PKIB: variants seen among roughly 807,000 people sequenced by gnomAD.
PKIB encodes PKI-beta.
A neutral mutation model predicts 4.5 loss-of-function variants in PKIB; 2 were observed. That is an observed-to-expected ratio of 0.44 (90% CI 0.18 to 1.39). The LOEUF (loss-of-function observed/expected upper bound fraction) is 1.39, where lower values mean the gene tolerates loss of function less well. Among genes scored for constraint, PKIB ranks in the 40% most tolerant of loss-of-function variants. The pLI is 0.27. For missense variants in PKIB, 94 were observed against 92.6 expected (o/e 1.02, Z -0.06); for synonymous variants, 38 against 36.0 (o/e 1.06, Z -0.20).
chr6:122,597,561 G>A (rs1582724463), intron 3 of PKIB, among the ~76,000 whole-genome samples: 2 of 152,154 alleles, frequency 1.3e-5, no homozygotes, highest in Admixed American at 1.3e-4. Flanking sequence ...TTCTGCACAG[G>A]CCAAATGGAA....
intron 3 of PKIB, among the ~76,000 whole-genome samples, chr6:122,711,488 T>C (rs1779272128): frequency 6.6e-6 from 1 of 152,186 alleles, no homozygotes; most frequent in Admixed American, 6.6e-5. Flanking sequence ...ATTAGTCCTT[T>C]TGGGAATCTG....
At chr6:122,641,446 T>C (rs1776117631) in intron 2 of PKIB, among the ~76,000 whole-genome samples, 1 of 152,178 alleles carries the variant, frequency 6.6e-6, no homozygotes, top group African/African-American at 2.4e-5. Flanking sequence ...CTGGGAACTT[T>C]TGAAAATGGC....
At chr6:122,531,801 T>C (rs1005969043) in intron 2 of PKIB, among the ~76,000 whole-genome samples, 1 of 152,246 alleles carries the variant, frequency 6.6e-6, no homozygotes, top group African/African-American at 2.4e-5. Context: ...TGCTTAAGGC[T>C]GGGAATTTAT....
chr6:122,725,339 A>T lies in PKIB; in HGVS notation c.*144A>T. 1.5e-6 allele frequency: 1 copy of T among 649,450 alleles called. No individual in the cohort carries two copies. Among genetic ancestry groups the T allele is most frequent in the Non-Finnish European group, 2.7e-6 (1 of 375,862 alleles). The allele number at this position is 649,450 out of a possible 1,614,324, so 40.2% of individuals were successfully genotyped here. ...GTGTATATTAGATAATTGTGTTGTG[A>T]TGCTACTCACTTTGATTGCAATGAT... On this transcript the variant is annotated 3_prime_UTR_variant, in exon 5 of 5. Transcript: ENST00000368452.
chr6:122,645,814 G>T (rs944556473), intron 2 of PKIB, among the ~76,000 whole-genome samples: 3 of 152,180 alleles, frequency 2.0e-5, no homozygotes, highest in African/African-American at 7.2e-5. Flanking sequence ...AGCCAGGAAG[G>T]TCTTTAAAGA....
chr6:122,701,527 G>A (rs757197507), intron 3 of PKIB: 3 of 1,589,326 alleles, frequency 1.9e-6, no homozygotes, highest in Non-Finnish European at 2.6e-6. Flanking sequence ...TTTTCTTCTT[G>A]GGGACAAGAG....
At chr6:122,568,470 G>C (rs921089324) in intron 2 of PKIB, among the ~76,000 whole-genome samples, 7 of 152,160 alleles carry the variant, frequency 4.6e-5, no homozygotes, top group African/African-American at 1.7e-4. Flanking sequence ...TCCAGGTCTT[G>C]GGAGAAGACC....
At chr6:122,654,340 G>A (rs1776685882) in intron 2 of PKIB, among the ~76,000 whole-genome samples, 2 of 152,278 alleles carry the variant, frequency 1.3e-5, no homozygotes, top group East Asian at 1.9e-4. Context: ...GATGCAAAGT[G>A]TATTTTCCTT....
At chr6:122,613,030 T>G (rs1774825935) in intron 1 of PKIB, among the ~76,000 whole-genome samples, 1 of 152,186 alleles carries the variant, frequency 6.6e-6, no homozygotes, top group South Asian at 2.1e-4. Flanking sequence ...CAAACACTTT[T>G]GAAAAAAATG....
intron 2 of PKIB, among the ~76,000 whole-genome samples, chr6:122,527,718 A>G (rs765909749): frequency 6.6e-6 from 1 of 152,162 alleles, no homozygotes; most frequent in Non-Finnish European, 1.5e-5. Flanking sequence ...AATAATGATG[A>G]TAAAGGTTGA....
chr6:122,686,504 T>A lies in PKIB; in HGVS notation c.-9+11360T>A, dbSNP rs189936857. On this transcript the variant is annotated intron_variant, in intron 3 of 4. Transcript: ENST00000368452. Reference sequence around the variant, plus strand: ...TTTGCCCATTTATATATATATATATTTTTTATTTTTCGAGAAAGGATCTCA... The same window carrying A: ...TTTGCCCATTTATATATATATATATATTTTATTTTTCGAGAAAGGATCTCA... Among the ~76,000 whole-genome samples the A allele has an allele frequency of 3.6e-3, 551 of 151,456 alleles. 3 individuals carry two copies. Among genetic ancestry groups the A allele is most frequent in the Middle Eastern group, 0.014 (4 of 292 alleles).
At chr6:122,475,804 T>C (rs933832278) in intron 1 of PKIB, among the ~76,000 whole-genome samples, 1 of 151,798 alleles carries the variant, frequency 6.6e-6, no homozygotes, top group African/African-American at 2.4e-5. Context: ...CAAGTAAAAA[T>C]AAATAATCAA....
intron 3 of PKIB, among the ~76,000 whole-genome samples, chr6:122,686,836 G>T (rs978128670): frequency 3.3e-5 from 5 of 152,022 alleles, no homozygotes; most frequent in Admixed American, 3.3e-4. Flanking sequence ...CTATAAAGTT[G>T]TTTGAGATCC....
At chr6:122,582,189 TA>T (rs1582713166) in intron 2 of PKIB, among the ~76,000 whole-genome samples, 2 of 152,156 alleles carry the variant, frequency 1.3e-5, no homozygotes, top group East Asian at 3.9e-4. Context: ...GTTAAAGTCC[TA>T]AAATCATCCA....
chr6:122,497,604 TAAAA>T (rs955475117), intron 2 of PKIB, among the ~76,000 whole-genome samples: 4 of 151,668 alleles, frequency 2.6e-5, no homozygotes, highest in African/African-American at 9.7e-5. Context: ...ACATCAACAA[TAAAA>T]AAAGACAAAG....
chr6:122,577,802 A>C lies in PKIB; in HGVS notation c.-247-8119A>C, dbSNP rs1773590948. On this transcript the variant is annotated intron_variant, in intron 2 of 6. Coordinates refer to the PKIB transcript ENST00000392491. ...TGGCCGCCTGTAGTCCCAGATACTC[A>C]GGAGGCTGAGGCAGGAGAATGGCGT... Among the ~76,000 whole-genome samples the C allele has an allele frequency of 2.0e-5, 3 of 151,676 alleles. No homozygotes were observed. The South Asian group carries it at 6.3e-4, about 32-fold the overall frequency.
intron 2 of PKIB, among the ~76,000 whole-genome samples, chr6:122,502,876 GAGT>G (rs894275449): frequency 5.7e-4 from 87 of 152,064 alleles, no homozygotes; most frequent in African/African-American, 2.1e-3. Context: ...AGTCAGTCAA[GAGT>G]AGTGTCTTAG....
At chr6:122,517,950 A>G (rs1237861178) in intron 2 of PKIB, among the ~76,000 whole-genome samples, 2 of 152,216 alleles carry the variant, frequency 1.3e-5, no homozygotes, top group Non-Finnish European at 2.9e-5. Context: ...AATAGTTTTT[A>G]TATTTTATTT....
intron 2 of PKIB, among the ~76,000 whole-genome samples, chr6:122,650,725 C>T (rs1463068289): frequency 1.3e-5 from 2 of 152,110 alleles, no homozygotes; most frequent in East Asian, 3.9e-4. Context: ...GGTGCTGGGG[C>T]CCCCCTCACA....
Sources: allele counts gnomAD v4.1 joint callset (sites outside exome capture counted in the v4.1 genomes callset), GRCh38; gene constraint gnomAD v4.1.1; transcripts MANE v1.5; gene names NCBI Gene and HGNC (gene_info 2026-07-23, HGNC 2026-07-21).